The following PTPRT variants were observed in gnomAD, a reference collection of about 807,000 sequenced individuals.
PTPRT encodes receptor-type tyrosine-protein phosphatase T.
A neutral mutation model predicts 176.8 loss-of-function variants in PTPRT; 56 were observed. The observed-to-expected ratio is 0.32, with a 90% CI of 0.26 to 0.40. PTPRT has a LOEUF of 0.40. PTPRT is among the 10% of genes least tolerant of loss of function. The probability of loss-of-function intolerance (pLI) is 1.00; values close to 1 mark genes in which losing one functional copy is unlikely to be tolerated. For missense variants in PTPRT, 1,540 were observed against 1,908.2 expected, an observed-to-expected ratio of 0.81 and a Z score of 3.60; for synonymous variants, 783 against 739.0, an observed-to-expected ratio of 1.06 and a Z score of -0.96.
At chr20:42,123,086 G>A (rs900888202) in intron 19 of PTPRT, among the ~76,000 whole-genome samples, 1 of 152,176 alleles carries the variant, frequency 6.6e-6, no homozygotes, top group African/African-American at 2.4e-5. Context: ...AGAGCTGGGT[G>A]CAGTTTTCAG....
chr20:42,555,525 G>GAGCTCTGCAATACACCT (rs2072845618), intron 7 of PTPRT, among the ~76,000 whole-genome samples: 1 of 152,156 alleles, frequency 6.6e-6, no homozygotes, highest in Non-Finnish European at 1.5e-5. Context: ...GGGAAGTCAG[G>GAGCTCTGCAATACACCT]GAAGTTGTGC....
In PTPRT at chr20:42,975,389, C is replaced by T. The variant is rs573025580; in HGVS notation, c.89-89457G>A. Among the ~76,000 whole-genome samples, 121 of 152,102 alleles carry T rather than the reference C, an allele frequency of 8.0e-4. 1 individual carries two copies. The South Asian group carries it at 9.3e-3, about 12-fold the overall frequency. Reference sequence around the variant, plus strand: ...AAAAGGAAACACAAAAAAATACCACCGATGATTATCTTTGGGTAGTCAAAA... The same window carrying T: ...AAAAGGAAACACAAAAAAATACCACTGATGATTATCTTTGGGTAGTCAAAA... On this transcript the variant is annotated intron_variant, in intron 1 of 30. Coordinates refer to ENST00000373187, the MANE Select transcript of PTPRT (RefSeq NM_007050.6).
intron 2 of PTPRT, among the ~76,000 whole-genome samples, chr20:42,877,478 A>T (rs2078952574): frequency 6.6e-6 from 1 of 152,154 alleles, no homozygotes; most frequent in Non-Finnish European, 1.5e-5. Flanking sequence ...GACTCCCAAA[A>T]CAATAACACA....
At chr20:43,184,003 G>T (rs1219427796) in intron 1 of PTPRT, among the ~76,000 whole-genome samples, 1 of 152,178 alleles carries the variant, frequency 6.6e-6, no homozygotes. Context: ...TTTCATTTCT[G>T]TTGGGTAGAT....
intron 7 of PTPRT, among the ~76,000 whole-genome samples, chr20:42,609,806 G>A (rs376368324): frequency 1.3e-5 from 2 of 152,212 alleles, no homozygotes; most frequent in Non-Finnish European, 2.9e-5. Flanking sequence ...CCCCCAGGGC[G>A]GGTCTATGAT....
At chr20:42,910,997 G>A (rs2145932562) in intron 1 of PTPRT, among the ~76,000 whole-genome samples, 1 of 152,236 alleles carries the variant, frequency 6.6e-6, no homozygotes, top group Admixed American at 6.5e-5. Flanking sequence ...AAAACCATCA[G>A]ATCTCGTGAG....
At chr20:42,548,112 T>C (rs1404117114) in intron 7 of PTPRT, among the ~76,000 whole-genome samples, 2 of 152,100 alleles carry the variant, frequency 1.3e-5, no homozygotes, top group African/African-American at 2.4e-5. Context: ...TGATCTTGGA[T>C]AGGATACAAT....
chr20:42,721,053 G>A (rs1299465216), intron 6 of PTPRT, among the ~76,000 whole-genome samples: 1 of 151,900 alleles, frequency 6.6e-6, no homozygotes, highest in African/African-American at 2.4e-5. Flanking sequence ...AGAACGAAGT[G>A]TTAGCTCTAC....
intron 9 of PTPRT, among the ~76,000 whole-genome samples, chr20:42,386,038 C>A (rs909415008): frequency 6.6e-6 from 1 of 152,158 alleles, no homozygotes. Flanking sequence ...TGACTCTATG[C>A]CATGCATACA....
At chr20:42,482,935 T>A (rs1404485546) in intron 7 of PTPRT, among the ~76,000 whole-genome samples, 1 of 152,112 alleles carries the variant, frequency 6.6e-6, no homozygotes, top group African/African-American at 2.4e-5. Context: ...AAAACAACCA[T>A]CATGGCAGCC....
chr20:42,268,694 G>T (rs1238404298), intron 13 of PTPRT, among the ~76,000 whole-genome samples: 1 of 152,204 alleles, frequency 6.6e-6, no homozygotes, highest in Non-Finnish European at 1.5e-5. Context: ...GTGAAATAAG[G>T]CTATGCAACT....
At chr20:42,599,964 C>T (rs1210949411) in intron 7 of PTPRT, among the ~76,000 whole-genome samples, 1 of 152,110 alleles carries the variant, frequency 6.6e-6, no homozygotes, top group South Asian at 2.1e-4. Flanking sequence ...CCTAAGCTTA[C>T]TACATCACTC....
At chr20:42,603,651 G>T (rs1351091164) in intron 7 of PTPRT, among the ~76,000 whole-genome samples, 1 of 152,214 alleles carries the variant, frequency 6.6e-6, no homozygotes, top group Non-Finnish European at 1.5e-5. Context: ...TATGTTTTCA[G>T]AAGCTCAATC....
Position 42,756,826 on chromosome 20 carries a change from G to A in PTPRT, c.685-190C>T, listed in dbSNP as rs140304556. Among the ~76,000 whole-genome samples the A allele has an allele frequency of 9.6e-3, 1,463 of 152,248 alleles. 20 individuals carry two copies. Among genetic ancestry groups the A allele is most frequent in the African/African-American group, 0.031 (1,275 of 41,550 alleles). On this transcript the variant is annotated intron_variant, in intron 5 of 30. Coordinates refer to ENST00000373187, the MANE Select transcript of PTPRT (RefSeq NM_007050.6). ...GTGCTTTGCAAGGGCTGAGGCAGGA[G>A]GATCATTTGAGGCCAGGAGTTTGAG...
intron 1 of PTPRT, among the ~76,000 whole-genome samples, chr20:43,160,337 T>C (rs527860931): frequency 6.6e-6 from 1 of 152,324 alleles, no homozygotes; most frequent in South Asian, 2.1e-4. Context: ...ATAAGTCCAG[T>C]TGATTAATAA....
At chr20:42,806,678 T>C (rs2077614772) in intron 2 of PTPRT, among the ~76,000 whole-genome samples, 1 of 152,134 alleles carries the variant, frequency 6.6e-6, no homozygotes. Flanking sequence ...GTGTGACAAC[T>C]GCAGAGACAA....
At chr20:43,012,759 G>A (rs1180086627) in intron 1 of PTPRT, among the ~76,000 whole-genome samples, 2 of 152,084 alleles carry the variant, frequency 1.3e-5, no homozygotes, top group Admixed American at 1.3e-4. Context: ...GCCCACAGGA[G>A]CCACCGGGAG....
intron 2 of PTPRT, among the ~76,000 whole-genome samples, chr20:42,813,541 G>T (rs181865482): frequency 6.7e-6 from 1 of 150,224 alleles, no homozygotes; most frequent in Non-Finnish European, 1.5e-5. Flanking sequence ...TTACCTTCTT[G>T]TTCTGCCTAG....
At chr20:42,303,106 C>G (rs1443577290) in intron 12 of PTPRT, among the ~76,000 whole-genome samples, 1 of 152,188 alleles carries the variant, frequency 6.6e-6, no homozygotes, top group Non-Finnish European at 1.5e-5. Context: ...TGGCAACCCC[C>G]TGGTTTAAAC....
Sources: gnomAD v4.1 joint callset for allele counts (sites outside exome capture counted in the v4.1 genomes callset) on GRCh38, gnomAD v4.1.1 for gene constraint, MANE v1.5 for transcripts, NCBI Gene and HGNC (gene_info 2026-07-23, HGNC 2026-07-21) for gene names.